The following CFAP54 variants were observed in gnomAD, a reference collection of about 807,000 sequenced individuals.
The protein encoded by CFAP54 is cilia and flagella associated protein 54, also known as cilia- and flagella-associated protein 54.
A neutral mutation model predicts 370.4 loss-of-function variants in CFAP54; 290 were observed. The ratio of observed to expected loss-of-function variants is 0.78; its 90% confidence interval spans 0.71 to 0.86. The LOEUF (loss-of-function observed/expected upper bound fraction) is 0.86, where lower values mean the gene tolerates loss of function less well. CFAP54 is among the 40% of genes least tolerant of loss of function. CFAP54 has a pLI of 0.00. For synonymous variants in CFAP54, 1,206 were observed against 1,236.5 expected (o/e 0.98, Z 0.52); for missense variants, 3,399 against 3,528.7 (o/e 0.96, Z 0.93).
intron 62 of CFAP54, among the ~76,000 whole-genome samples, chr12:96,788,041 C>T (rs61938369): frequency 1.6e-3 from 242 of 151,184 alleles, no homozygotes; most frequent in Non-Finnish European, 2.5e-3. Flanking sequence ...CTCAGCCTCC[C>T]GAAAAAGTGA....
At chr12:96,740,803 G>A (rs573302970) in intron 51 of CFAP54, among the ~76,000 whole-genome samples, 33 of 152,216 alleles carry the variant, frequency 2.2e-4, no homozygotes, top group African/African-American at 7.7e-4. Flanking sequence ...TGCCTCCCGG[G>A]GGAAATTTGG....
At chr12:96,826,553 A>G (rs1334279738) in intron 65 of CFAP54, among the ~76,000 whole-genome samples, 1 of 79,226 alleles carries the variant, frequency 1.3e-5, no homozygotes, top group Admixed American at 2.1e-4. Context: ...TAATTTATAT[A>G]TAATATATAA....
intron 11 of CFAP54, 73 bp downstream of exon 11, chr12:96,534,300 A>C: frequency 1.1e-6 from 1 of 870,492 alleles, no homozygotes; most frequent in Non-Finnish European, 1.7e-6. Context: ...GGTGAGAGAA[A>C]GGATGTTGAA....
At chr12:96,819,819 G>T (rs754623838) in intron 65 of CFAP54, among the ~76,000 whole-genome samples, 1 of 151,896 alleles carries the variant, frequency 6.6e-6, no homozygotes, top group Non-Finnish European at 1.5e-5. Flanking sequence ...TGTCTCAAAC[G>T]CATTTTCCTC....
chr12:96,701,770 TGAG>T (rs113973500), intron 46 of CFAP54, among the ~76,000 whole-genome samples: 40 of 150,830 alleles, frequency 2.7e-4, no homozygotes, highest in African/African-American at 3.9e-4. Context: ...GAGGCTGCAA[TGAG>T]GAGGAGGAGG....
chr12:96,545,738 C>T (rs1306872163), intron 14 of CFAP54, among the ~76,000 whole-genome samples: 1 of 152,126 alleles, frequency 6.6e-6, no homozygotes, highest in Non-Finnish European at 1.5e-5. Flanking sequence ...TTAGATCATA[C>T]CCTTTTTGTC....
rs61939395 is a variant in CFAP54, at chr12:96,714,915, G to A, written c.6725-3528G>A. 9.9e-3 allele frequency among the ~76,000 whole-genome samples: 1,512 copies of A among 152,258 alleles called. 16 individuals are homozygous for A. The highest frequency in any genetic ancestry group is 0.044 in the Middle Eastern group (13 of 294). ...ATGATACCCTTAAGTAGGCAAGATG[G>A]GAATGGAACTAGTACTCAAATGGAG... On this transcript the variant is annotated intron_variant, in intron 48 of 67. Transcript: ENST00000524981.
intron 14 of CFAP54, among the ~76,000 whole-genome samples, chr12:96,543,924 A>T (rs1336977860): frequency 6.6e-6 from 1 of 152,182 alleles, no homozygotes; most frequent in Non-Finnish European, 1.5e-5. Flanking sequence ...CAGAATTGAT[A>T]TAAGCCCCAG....
intron 1 of CFAP54, among the ~76,000 whole-genome samples, chr12:96,491,313 A>G (rs1954882323): frequency 6.6e-6 from 1 of 152,232 alleles, no homozygotes; most frequent in East Asian, 1.9e-4. Flanking sequence ...GTATTGTGGG[A>G]AGAGCAAGAG....
intron 28 of CFAP54, among the ~76,000 whole-genome samples, chr12:96,624,126 T>G (rs1377738074): frequency 6.6e-6 from 1 of 152,230 alleles, no homozygotes; most frequent in East Asian, 1.9e-4. Flanking sequence ...GACTTGAGCC[T>G]GTGTCTTCTG....
chr12:96,613,705 G>T (rs922614955), intron 26 of CFAP54, among the ~76,000 whole-genome samples: 37 of 152,140 alleles, frequency 2.4e-4, no homozygotes, highest in Admixed American at 7.2e-4. Flanking sequence ...CAATCTCACA[G>T]AGATACAAAC....
intron 49 of CFAP54, among the ~76,000 whole-genome samples, chr12:96,719,255 T>G (rs1007614288): frequency 1.3e-5 from 2 of 152,228 alleles, no homozygotes; most frequent in African/African-American, 4.8e-5. Flanking sequence ...AGAATTTGAC[T>G]AATATCATAC....
intron 52 of CFAP54, 58 bp downstream of exon 52, chr12:96,742,644 G>A (rs1366858247): frequency 1.4e-6 from 2 of 1,403,998 alleles, no homozygotes; most frequent in African/African-American, 1.4e-5. Flanking sequence ...TAGGTGAAGA[G>A]GGGTTTATTG....
intron 1 of CFAP54, among the ~76,000 whole-genome samples, chr12:96,496,856 G>C (rs4762304): frequency 1.3e-5 from 2 of 152,142 alleles, no homozygotes; most frequent in East Asian, 3.8e-4. Context: ...GAATAAAATA[G>C]GCAATGATCT....
At chr12:96,832,351 G>A (rs1959173979) in intron 66 of CFAP54, among the ~76,000 whole-genome samples, 2 of 151,504 alleles carry the variant, frequency 1.3e-5, no homozygotes, top group Non-Finnish European at 1.5e-5. Flanking sequence ...ATGTCAATAG[G>A]CCTTGGTTTC....
At chr12:96,645,859 C>T (rs1956783855) in intron 33 of CFAP54, 1 of 152,310 alleles carries the variant, frequency 6.6e-6, no homozygotes, top group East Asian at 1.9e-4. Flanking sequence ...AAAGGATTCC[C>T]TATTTAATAA....
intron 38 of CFAP54, among the ~76,000 whole-genome samples, chr12:96,659,668 A>G (rs985287700): frequency 6.6e-6 from 1 of 152,184 alleles, no homozygotes; most frequent in East Asian, 1.9e-4. Flanking sequence ...TCAGGCAGAG[A>G]AAAGAGATAA....
In CFAP54 at chr12:96,792,405, C is replaced by T; in HGVS notation, c.8756C>T (p.Pro2919Leu). Reference sequence around the variant, plus strand: ...GGCTCATCTTGTGTGGACATAACGCCAATAGAAATGGTAACGCAAGCTTCA... The same window carrying T: ...GGCTCATCTTGTGTGGACATAACGCTAATAGAAATGGTAACGCAAGCTTCA... ...VSGSSCVDITPIEMVTQASNK... is the reference protein window; with the variant it reads ...VSGSSCVDITLIEMVTQASNK... The change falls in exon 63 of 68, where the codon CCA becomes CTA. Residue 2919 changes from proline (P) to leucine (L), a missense_variant. Coordinates refer to ENST00000524981, the MANE Select transcript of CFAP54 (RefSeq NM_001306084.2). The T allele has an allele frequency of 6.5e-7, 1 of 1,535,844 alleles. No individual in the cohort carries two copies. Among genetic ancestry groups the T allele is most frequent in the Non-Finnish European group, 8.7e-7 (1 of 1,146,722 alleles).
At chr12:96,609,230 G>A (rs1193708068) in intron 26 of CFAP54, among the ~76,000 whole-genome samples, 1 of 152,138 alleles carries the variant, frequency 6.6e-6, no homozygotes, top group Non-Finnish European at 1.5e-5. Context: ...CTCCTGAATG[G>A]CATTTGGTCA....
Sources: allele counts gnomAD v4.1 joint callset (sites outside exome capture counted in the v4.1 genomes callset), GRCh38; gene constraint gnomAD v4.1.1; transcripts MANE v1.5; gene names NCBI Gene and HGNC (gene_info 2026-07-23, HGNC 2026-07-21).